CDC27: variants seen among roughly 807,000 people sequenced by gnomAD.
CDC27 encodes the protein cell division cycle 27.
In CDC27, 27 loss-of-function variants were observed where a neutral mutation model predicts 109.7. That is an observed-to-expected ratio of 0.25 (90% confidence interval 0.18 to 0.34). CDC27 has a LOEUF of 0.34. CDC27 is among the 10% of genes least tolerant of loss of function. The probability of loss-of-function intolerance (pLI) is 1.00; values close to 1 mark genes in which losing one functional copy is unlikely to be tolerated. For synonymous variants in CDC27, 266 were observed against 333.9 expected (o/e 0.80, Z 2.22); for missense variants, 579 against 960.2 (o/e 0.60, Z 5.25).
chr17:47,159,090 A>C, intron 4 of CDC27: 1 of 258,172 alleles, frequency 3.9e-6, no homozygotes, highest in Middle Eastern at 1.2e-3. Flanking sequence ...TAATTCTGAA[A>C]GTGATTTAAA....
intron 7 of CDC27, 34 bp downstream of exon 7, chr17:47,156,879 T>G (rs2063323259): frequency 1.4e-6 from 1 of 713,468 alleles, no homozygotes. Flanking sequence ...CATTTGGTAT[T>G]ATAGCACATT....
chr17:47,145,557 T>C (rs886945342), intron 9 of CDC27, among the ~76,000 whole-genome samples: 6 of 152,182 alleles, frequency 3.9e-5, no homozygotes, highest in African/African-American at 1.4e-4. Flanking sequence ...GAATTTATGC[T>C]AATGAAGTAA....
At chr17:47,161,867 A>G (rs1170242486) in intron 4 of CDC27, 2 of 151,850 alleles carry the variant, frequency 1.3e-5, no homozygotes, top group African/African-American at 4.8e-5. Context: ...GTAGTTCCTA[A>G]GTAAAGCCAT....
chr17:47,135,055 C>T (rs1346460058), intron 14 of CDC27, among the ~76,000 whole-genome samples: 2 of 152,072 alleles, frequency 1.3e-5, no homozygotes, highest in Non-Finnish European at 2.9e-5. Context: ...AATAAGGAAA[C>T]TGAAACTTAG....
intron 4 of CDC27, chr17:47,159,784 G>T: frequency 2.3e-6 from 1 of 433,040 alleles, no homozygotes; most frequent in Non-Finnish European, 4.5e-6. Context: ...AGGCCCCCAG[G>T]AAAAAGTCAA....
At chr17:47,159,516 C>T (rs1210423419) in intron 4 of CDC27, 12 of 521,608 alleles carry the variant, frequency 2.3e-5, no homozygotes, top group Non-Finnish European at 3.4e-6. Context: ...CCGCAGTGGC[C>T]TGTCACCTTG....
Position 47,138,925 on chromosome 17 carries a change from T to C in CDC27, c.1552-34A>G, listed in dbSNP as rs763355545. Reference sequence around the variant, plus strand: ...AAAAAAACTAGTAAGAGAAAACAAGTTGATACAATTTATATATATACACAG... The same window carrying C: ...AAAAAAACTAGTAAGAGAAAACAAGCTGATACAATTTATATATATACACAG... On this transcript the variant is annotated intron_variant, in intron 12 of 18. Transcript: ENST00000066544. 5.0e-6 allele frequency: 7 copies of C among 1,399,596 alleles called. No individual in the cohort carries two copies. In the East Asian group the frequency reaches 1.2e-4, roughly 23 times the overall value. The allele number at this position is 1,399,596 out of a possible 1,614,324, so 86.7% of individuals were successfully genotyped here. A position where few individuals can be genotyped will look rare whatever the true frequency, so the allele number is the denominator to read the frequency against.
At chr17:47,132,988 CATATATATATATATAT>C (rs1158266100) in intron 14 of CDC27, among the ~76,000 whole-genome samples, 17 of 40,896 alleles carry the variant, frequency 4.2e-4, no homozygotes, top group African/African-American at 1.1e-3. Context: ...TGCCCAGGCG[CATATATATATATATAT>C]ATATATATAT....
chr17:47,159,662 C>A, intron 4 of CDC27: 2 of 440,984 alleles, frequency 4.5e-6, no homozygotes, highest in Admixed American at 7.0e-5. Context: ...AACACCCAGA[C>A]CGACGTGGCC....
At chr17:47,145,545 C>T (rs2062931001) in intron 9 of CDC27, among the ~76,000 whole-genome samples, 1 of 152,106 alleles carries the variant, frequency 6.6e-6, no homozygotes, top group Non-Finnish European at 1.5e-5. Context: ...GGGACCGTGC[C>T]TGAATTTATG....
chr17:47,133,754 T>A (rs535794272), intron 14 of CDC27, among the ~76,000 whole-genome samples: 4 of 152,170 alleles, frequency 2.6e-5, no homozygotes, highest in African/African-American at 9.6e-5. Flanking sequence ...TACATATATT[T>A]TTTTTCTTTT....
At chr17:47,159,674 T>C in intron 4 of CDC27, 2 of 442,420 alleles carry the variant, frequency 4.5e-6, no homozygotes, top group South Asian at 2.2e-5. Context: ...GACGTGGCCA[T>C]TGTAGTCCTC....
At chr17:47,131,012 G>A (rs774124933) in intron 15 of CDC27, among the ~76,000 whole-genome samples, 3 of 152,082 alleles carry the variant, frequency 2.0e-5, no homozygotes, top group South Asian at 2.1e-4. Flanking sequence ...ACTCATCTAC[G>A]CAATGATCTA....
At chr17:47,182,154 C>T (rs958124239) in intron 1 of CDC27, among the ~76,000 whole-genome samples, 2 of 152,198 alleles carry the variant, frequency 1.3e-5, no homozygotes, top group Non-Finnish European at 2.9e-5. Flanking sequence ...AAATGTATGT[C>T]ATCCTCCCAC....
At position 47,152,448 on chromosome 17, in the gene CDC27, G is replaced by C. The variant is rs1471356734; in HGVS notation, c.958-530C>G. ...CAAAACCTAAGGATATTGTTCTTTAGAGTTAATATTGCTTAGTTTTTCTAA... is the reference window on the plus strand; with the variant it reads ...CAAAACCTAAGGATATTGTTCTTTACAGTTAATATTGCTTAGTTTTTCTAA... On this transcript the variant is annotated intron_variant, in intron 8 of 18. Coordinates refer to ENST00000066544, the MANE Select transcript of CDC27 (RefSeq NM_001256.6). Among the ~76,000 whole-genome samples, 6 of 152,056 alleles carry C rather than the reference G, an allele frequency of 3.9e-5. No individual in the cohort carries two copies. In the East Asian group the frequency reaches 1.2e-3, roughly 29 times the overall value.
At chr17:47,181,498 A>T (rs923695466) in intron 2 of CDC27, 64 bp downstream of exon 2, 29 of 887,816 alleles carry the variant, frequency 3.3e-5, no homozygotes, top group Non-Finnish European at 5.1e-5. Flanking sequence ...ACAGTGATAA[A>T]AAGTTATGGA....
intron 1 of CDC27, among the ~76,000 whole-genome samples, chr17:47,186,824 C>T (rs763260920): frequency 2.6e-5 from 4 of 151,994 alleles, no homozygotes; most frequent in Non-Finnish European, 4.4e-5. Context: ...CCTAGTAATA[C>T]CATCAACTCT....
intron 16 of CDC27, among the ~76,000 whole-genome samples, chr17:47,126,816 CAG>C (rs1403556449): frequency 6.6e-6 from 1 of 152,062 alleles, no homozygotes; most frequent in East Asian, 1.9e-4. Context: ...TTTTTTGAGA[CAG>C]AGTCTCCCTC....
intron 1 of CDC27, among the ~76,000 whole-genome samples, chr17:47,182,082 T>C (rs957024651): frequency 2.6e-5 from 4 of 152,300 alleles, no homozygotes; most frequent in African/African-American, 9.6e-5. Context: ...CCTACTAAAC[T>C]ACAGACTTTT....
Sources: gnomAD v4.1 joint callset for allele counts (sites outside exome capture counted in the v4.1 genomes callset) on GRCh38, gnomAD v4.1.1 for gene constraint, MANE v1.5 for transcripts, NCBI Gene and HGNC (gene_info 2026-07-23, HGNC 2026-07-21) for gene names.